Variants in DRC1 observed in about 807,000 individuals in gnomAD.
DRC1 encodes dynein regulatory complex subunit 1.
Under a neutral mutation model 98.7 loss-of-function variants are expected in DRC1, and 74 were observed. The observed-to-expected ratio is 0.75, with a 90% CI of 0.62 to 0.91. The LOEUF is 0.91. Ranked by LOEUF, DRC1 falls within the 40% of genes least tolerant of loss-of-function variation. DRC1 has a pLI of 0.00. For missense variants in DRC1, 875 were observed against 886.0 expected (o/e 0.99, Z 0.16); for synonymous variants, 336 against 334.1 (o/e 1.01, Z -0.06).
At chr2:26,429,063 G>T (rs748545489) in intron 4 of DRC1, among the ~76,000 whole-genome samples, 5 of 152,074 alleles carry the variant, frequency 3.3e-5, no homozygotes, top group Non-Finnish European at 5.9e-5. Flanking sequence ...TAACATTGAG[G>T]GGTTTGGTCC....
intron 4 of DRC1, among the ~76,000 whole-genome samples, chr2:26,424,737 A>G (rs897650328): frequency 6.6e-6 from 1 of 152,178 alleles, no homozygotes; most frequent in African/African-American, 2.4e-5. Flanking sequence ...GGATAACTTG[A>G]GGTCAGGAGT....
intron 7 of DRC1, among the ~76,000 whole-genome samples, chr2:26,436,422 C>T (rs1456865615): frequency 6.6e-6 from 1 of 152,174 alleles, no homozygotes; most frequent in Non-Finnish European, 1.5e-5. Flanking sequence ...AGCAAACCTC[C>T]CACCTCAGTC....
intron 8 of DRC1, among the ~76,000 whole-genome samples, chr2:26,443,828 A>G (rs1663781626): frequency 6.6e-6 from 1 of 152,160 alleles, no homozygotes; most frequent in Admixed American, 6.5e-5. Flanking sequence ...TTCTTGCTTC[A>G]TGATTGAATT....
intron 1 of DRC1, among the ~76,000 whole-genome samples, chr2:26,402,413 G>A (rs955790685): frequency 6.6e-6 from 1 of 152,294 alleles, no homozygotes; most frequent in East Asian, 1.9e-4. Flanking sequence ...TTAATCGGGC[G>A]TGGTGGCGTT....
intron 1 of DRC1, among the ~76,000 whole-genome samples, chr2:26,408,181 A>G (rs1678484236): frequency 6.6e-6 from 1 of 152,170 alleles, no homozygotes; most frequent in East Asian, 1.9e-4. Context: ...AGGACAACCG[A>G]TTGGAAAATT....
At chr2:26,438,133 A>G (rs1188551298) in intron 7 of DRC1, among the ~76,000 whole-genome samples, 1 of 150,562 alleles carries the variant, frequency 6.6e-6, no homozygotes, top group East Asian at 1.9e-4. Flanking sequence ...CATTAAAATG[A>G]TGTTAATAAA....
chr2:26,430,959 T>TTA, intron 6 of DRC1, 87 bp downstream of exon 6: 1 of 305,688 alleles, frequency 3.3e-6, no homozygotes, highest in Non-Finnish European at 4.1e-6. Context: ...TTTTTCTATC[T>TTA]TTTTTTTTTT....
intron 3 of DRC1, among the ~76,000 whole-genome samples, chr2:26,423,263 C>G (rs1159615529): frequency 9.9e-5 from 15 of 151,644 alleles, no homozygotes; most frequent in Admixed American, 9.9e-4. Context: ...GATGACCTGA[C>G]AGCTCTTTCT....
chr2:26,432,126 T>A, intron 7 of DRC1, 120 bp downstream of exon 7: 1 of 1,384,924 alleles, frequency 7.2e-7, no homozygotes. Flanking sequence ...CAGCACGTAT[T>A]TATTAATCAT....
intron 8 of DRC1, among the ~76,000 whole-genome samples, chr2:26,442,986 G>A (rs534469677): frequency 1.8e-4 from 27 of 152,214 alleles, no homozygotes; most frequent in South Asian, 1.7e-3. Context: ...AAAACACTTT[G>A]GAATGACTAC....
chr2:26,428,799 A>G (rs1284405672), intron 4 of DRC1, among the ~76,000 whole-genome samples: 2 of 146,928 alleles, frequency 1.4e-5, no homozygotes, highest in Non-Finnish European at 3.0e-5. Flanking sequence ...CTCTGTCTCA[A>G]AAAAAAAAAA....
rs1433832936 is a variant in DRC1, at chr2:26,454,464, T to C, written c.1920-183T>C. 6.6e-6 allele frequency among the ~76,000 whole-genome samples: 1 copy of C among 152,078 alleles called. No individual in the cohort carries two copies. Among genetic ancestry groups the C allele is most frequent in the Non-Finnish European group, 1.5e-5 (1 of 67,992 alleles). On this transcript the variant is annotated intron_variant, in intron 14 of 16. Transcript: ENST00000288710. This position sits in a 1 kb window ranked among gnomAD's most constrained non-coding sequence, Gnocchi z 5.2. ...TATGCCCTCACGAAGGTACCGGTGG[T>C]ACCGAGGCAGGAACGTTGACAATAA...
Position 26,431,869 on chromosome 2 carries a change from T to C in DRC1, c.766-15T>C. 1 of 1,613,280 alleles carries C rather than the reference T, an allele frequency of 6.2e-7. No homozygotes were observed. The highest frequency in any genetic ancestry group is 8.5e-7 in the Non-Finnish European group (1 of 1,179,434). On this transcript the variant is annotated splice_polypyrimidine_tract_variant and intron_variant, in intron 6 of 16. Coordinates refer to ENST00000288710, the MANE Select transcript of DRC1 (RefSeq NM_145038.5). ...GATGGTCCCTAACTTTTCCCTTGTC[T>C]TCCTGTGCCTTTAGCTGGAGTATCT...
intron 5 of DRC1, chr2:26,430,488 T>TGAC (rs1486416778): frequency 1.9e-6 from 1 of 522,616 alleles, no homozygotes; most frequent in African/African-American, 1.9e-5. Flanking sequence ...GCCTGCCGTG[T>TGAC]GACTGCCAAC....
Position 26,454,774 on chromosome 2 carries a change from G to GT in DRC1, c.2047_2048insT (p.Ala683ValfsTer44). The stretch of plus-strand genomic sequence containing the variant: ...GAACCTCTGGGATGCCCTCTACACA[G>GT]CCTTGGAGAAGTACCAGTAAGTGTG... On this transcript the variant is annotated frameshift_variant, in exon 15 of 17. Coordinates refer to ENST00000288710, the MANE Select transcript of DRC1 (RefSeq NM_145038.5). LOFTEE classifies it high-confidence loss of function. The surrounding 1 kb of genome is among the most constrained non-coding windows in gnomAD (Gnocchi z 5.2). 6.2e-7 allele frequency: 1 copy of GT among 1,614,148 alleles called. No homozygotes were observed. The highest frequency in any genetic ancestry group is 8.5e-7 in the Non-Finnish European group (1 of 1,180,000).
intron 6 of DRC1, among the ~76,000 whole-genome samples, chr2:26,431,234 G>A (rs1269733385): frequency 5.3e-5 from 8 of 152,196 alleles, no homozygotes; most frequent in Non-Finnish European, 7.3e-5. Flanking sequence ...GATTACAGGC[G>A]TGAGCCTCCG....
intron 2 of DRC1, among the ~76,000 whole-genome samples, chr2:26,417,818 T>A (rs966806325): frequency 5.3e-5 from 8 of 152,344 alleles, no homozygotes; most frequent in African/African-American, 1.9e-4. Flanking sequence ...AATGTACAGT[T>A]GATTTTAATA....
rs1664082353 is a variant in DRC1, at chr2:26,454,233, G to C, written c.1920-414G>C. On this transcript the variant is annotated intron_variant, in intron 14 of 16. Coordinates refer to ENST00000288710, the MANE Select transcript of DRC1 (RefSeq NM_145038.5). The surrounding 1 kb of genome is among the most constrained non-coding windows in gnomAD (Gnocchi z 5.2). ...ATTGTGGCGTCAGGGAAGGGGCGAA[G>C]CTGGATACAGGGAAAGCATCAGGAG... Among the ~76,000 whole-genome samples the C allele has an allele frequency of 6.6e-6, 1 of 152,206 alleles. No individual in the cohort carries two copies. The highest frequency in any genetic ancestry group is 2.1e-4 in the South Asian group (1 of 4,826).
At chr2:26,403,857 T>C (rs1231965498) in intron 1 of DRC1, among the ~76,000 whole-genome samples, 1 of 150,562 alleles carries the variant, frequency 6.6e-6, no homozygotes, top group African/African-American at 2.4e-5. Flanking sequence ...TCCCAAAACT[T>C]TGGGAGGCTG....
Sources: gnomAD v4.1 joint callset for allele counts (sites outside exome capture counted in the v4.1 genomes callset) on GRCh38, gnomAD v4.1.1 for gene constraint, Gnocchi (gnomAD v3.1) non-coding constraint, MANE v1.5 for transcripts, NCBI Gene and HGNC (gene_info 2026-07-23, HGNC 2026-07-21) for gene names.